The following GMDS variants were observed in gnomAD, a reference collection of about 807,000 sequenced individuals.
GMDS encodes the protein GDP-mannose 4,6 dehydratase.
In GMDS, 20 loss-of-function variants were observed where a neutral mutation model predicts 49.9. The observed-to-expected ratio is 0.40, with a 90% CI of 0.28 to 0.58. The LOEUF (loss-of-function observed/expected upper bound fraction) is 0.58, where lower values mean the gene tolerates loss of function less well. Ranked by LOEUF, GMDS falls within the 20% of genes least tolerant of loss-of-function variation. The pLI is 0.42. For synonymous variants in GMDS, 177 were observed against 178.6 expected, an observed-to-expected ratio of 0.99 and a Z score of 0.07; for missense variants, 362 against 481.4, an observed-to-expected ratio of 0.75 and a Z score of 2.32.
At chr6:2,243,042 C>T (rs1381992264) in intron 1 of GMDS, among the ~76,000 whole-genome samples, 1 of 152,162 alleles carries the variant, frequency 6.6e-6, no homozygotes, top group Non-Finnish European at 1.5e-5. Flanking sequence ...GAATTCAGCA[C>T]TATGCTAGGG....
rs140804661 is a variant in GMDS, at chr6:1,767,222, C to T, written c.772-24636G>A. ...CACCACCCCCCCAAATTTCATTAAA[C>T]GCATAAAAGAAAATATCCTTTGTAA... On this transcript the variant is annotated intron_variant, in intron 7 of 10. Coordinates refer to ENST00000380815, the MANE Select transcript of GMDS (RefSeq NM_001500.4). Among the ~76,000 whole-genome samples, 81 of 151,576 alleles carry T rather than the reference C, an allele frequency of 5.3e-4. No individual in the cohort carries two copies. The East Asian group carries it at 0.013, about 24-fold the overall frequency.
intron 4 of GMDS, among the ~76,000 whole-genome samples, chr6:2,115,542 C>T (rs903057720): frequency 7.2e-5 from 11 of 152,134 alleles, no homozygotes; most frequent in Non-Finnish European, 1.5e-5. Context: ...ACAAATACTG[C>T]TATTCCAATA....
At chr6:2,035,489 T>C (rs1769247842) in intron 4 of GMDS, among the ~76,000 whole-genome samples, 1 of 152,090 alleles carries the variant, frequency 6.6e-6, no homozygotes, top group Non-Finnish European at 1.5e-5. Flanking sequence ...TTACTTTCTA[T>C]TTGGCATTTG....
rs116067788 is a variant in GMDS at position 2,145,162 on chromosome 6, C to T, written c.103-20431G>A. On this transcript the variant is annotated intron_variant, in intron 1 of 10. Coordinates refer to ENST00000380815, the MANE Select transcript of GMDS (RefSeq NM_001500.4). ...GAATAGATTTCAAGGGTTTATTAAG[C>T]ACTAAGTATAGTGTAAGCTCACATA... is the stretch of plus-strand genomic sequence containing the variant. 5.7e-3 allele frequency among the ~76,000 whole-genome samples: 865 copies of T among 152,268 alleles called. 2 individuals carry two copies. Among genetic ancestry groups the T allele is most frequent in the Middle Eastern group, 0.017 (5 of 294 alleles).
chr6:1,733,757 TG>T (rs576381969), intron 8 of GMDS, among the ~76,000 whole-genome samples: 163 of 150,178 alleles, frequency 1.1e-3, no homozygotes, highest in African/African-American at 3.8e-3. Context: ...GAGGCAGAGG[TG>T]GGAGGATTGC....
chr6:1,681,078 C>T (rs1187176464), intron 9 of GMDS, among the ~76,000 whole-genome samples: 1 of 152,120 alleles, frequency 6.6e-6, no homozygotes, highest in East Asian at 1.9e-4. Flanking sequence ...CATACACACA[C>T]AAGTGCACAA....
At chr6:1,829,781 G>A (rs570053058) in intron 7 of GMDS, among the ~76,000 whole-genome samples, 27 of 152,272 alleles carry the variant, frequency 1.8e-4, no homozygotes, top group African/African-American at 6.3e-4. Context: ...TTAGGTGGAC[G>A]GGGGGAATCA....
intron 1 of GMDS, among the ~76,000 whole-genome samples, chr6:2,171,066 G>C (rs1777982832): frequency 6.6e-6 from 1 of 152,092 alleles, no homozygotes; most frequent in African/African-American, 2.4e-5. Context: ...TTAAATATCT[G>C]TCAATCCAAA....
chr6:1,998,015 G>A lies in GMDS; in HGVS notation c.346-37049C>T, dbSNP rs558303889. 2.6e-5 allele frequency among the ~76,000 whole-genome samples: 4 copies of A among 152,212 alleles called. No individual in the cohort carries two copies. The East Asian group carries it at 7.7e-4, about 29-fold the overall frequency. Reference sequence around the variant, plus strand: ...AAGAGCAAATGAGTACCAAGAAAGAGCTCCAGGAAATGAAAAACCAGTTAC... The same window carrying A: ...AAGAGCAAATGAGTACCAAGAAAGAACTCCAGGAAATGAAAAACCAGTTAC... On this transcript the variant is annotated intron_variant, in intron 4 of 10. Transcript: ENST00000380815.
chr6:2,019,696 T>G lies in GMDS; in HGVS notation c.346-58730A>C, dbSNP rs565744919. Among the ~76,000 whole-genome samples the G allele has an allele frequency of 3.3e-5, 5 of 152,280 alleles. No homozygotes were observed. The East Asian group carries it at 9.7e-4, about 29-fold the overall frequency. On this transcript the variant is annotated intron_variant, in intron 4 of 10. Transcript: ENST00000380815. The stretch of plus-strand genomic sequence containing the variant: ...AACCCTTGACCTCAGGTGATCCACC[T>G]GCCTCGGCCTCCCAAAGTCCTGAGA...
In GMDS at chr6:1,930,110, T is replaced by C; in HGVS notation, c.764A>G (p.Tyr255Cys). Residue 255 changes from tyrosine to cysteine, a missense_variant, in exon 7 of 11, where the codon TAT becomes TGT. By Grantham distance (194) the Tyr-to-Cys change is radical. Coordinates refer to ENST00000380815, the MANE Select transcript of GMDS (RefSeq NM_001500.4). Reference protein sequence around the residue: ...AKRDWGHAKDYVEAMWLMLQN... With the variant: ...AKRDWGHAKDCVEAMWLMLQN... ...TAATGTGTCAGTTCCTACCTCCACATAGTCCTTGGCATGGCCCCAATCTCG... is the reference window on the plus strand; with the variant it reads ...TAATGTGTCAGTTCCTACCTCCACACAGTCCTTGGCATGGCCCCAATCTCG... 6.2e-7 allele frequency: 1 copy of C among 1,611,494 alleles called. No homozygotes were observed. The highest frequency in any genetic ancestry group is 8.5e-7 in the Non-Finnish European group (1 of 1,178,470).
intron 7 of GMDS, among the ~76,000 whole-genome samples, chr6:1,864,069 A>G (rs1053145900): frequency 6.6e-6 from 1 of 152,144 alleles, no homozygotes; most frequent in Non-Finnish European, 1.5e-5. Flanking sequence ...TTTTGCAAAA[A>G]TAAATTAACT....
chr6:2,245,364 C>A lies in GMDS; in HGVS notation c.59G>T (p.Gly20Val), dbSNP rs1430008858. Residue 20 changes from glycine (G) to valine (V), a missense_variant, in exon 1 of 11, where the codon GGC becomes GTC. Gly to Val is a moderately radical substitution (Grantham distance 109). Transcript: ENST00000380815. Reference protein sequence around the residue: ...SARGSGDGEMGKPRNVALITG... With the variant: ...SARGSGDGEMVKPRNVALITG... ...GATGAGCGCCACGTTCCTGGGCTTG[C>A]CCATCTCGCCGTCCCCGGAGCCCCG... 1.3e-6 allele frequency: 2 copies of A among 1,551,948 alleles called. No homozygotes were observed. The highest frequency in any genetic ancestry group is 1.4e-5 in the African/African-American group (1 of 72,828).
rs572663745 is a variant in GMDS at position 1,909,153 on chromosome 6, TCAAA to T, written c.771+20946_771+20949del. ...ATCATACATCTTGATGAAATGCCTTTCAAACAAAGACTTTACGGTTTTTGGAACA... is the reference window on the plus strand; with the variant it reads ...ATCATACATCTTGATGAAATGCCTTTCAAAGACTTTACGGTTTTTGGAACA... On this transcript the variant is annotated intron_variant, in intron 7 of 10. Transcript: ENST00000380815. Among the ~76,000 whole-genome samples, 428 of 152,342 alleles carry T rather than the reference TCAAA, an allele frequency of 2.8e-3. 4 individuals are homozygous for T. Among genetic ancestry groups the T allele is most frequent in the African/African-American group, 9.8e-3 (409 of 41,590 alleles).
At chr6:1,753,980 AAGCAAG>A (rs1198371498) in intron 7 of GMDS, among the ~76,000 whole-genome samples, 5 of 152,188 alleles carry the variant, frequency 3.3e-5, no homozygotes, top group Non-Finnish European at 7.3e-5. Flanking sequence ...AGGACTAGAG[AAGCAAG>A]AGCAAATAAA....
intron 7 of GMDS, among the ~76,000 whole-genome samples, chr6:1,768,072 G>A (rs1280316467): frequency 1.3e-5 from 2 of 152,122 alleles, no homozygotes; most frequent in African/African-American, 4.8e-5. Context: ...GCCTGTATAT[G>A]TTACTATATG....
intron 7 of GMDS, among the ~76,000 whole-genome samples, chr6:1,804,935 C>T (rs1197016238): frequency 1.3e-5 from 2 of 152,090 alleles, no homozygotes; most frequent in East Asian, 1.9e-4. Flanking sequence ...TGCCTTCGTT[C>T]GAGGAAAAAC....
intron 9 of GMDS, among the ~76,000 whole-genome samples, chr6:1,657,030 C>T (rs911849311): frequency 2.0e-5 from 3 of 152,178 alleles, no homozygotes; most frequent in Non-Finnish European, 4.4e-5. Flanking sequence ...GCCCTGTCCA[C>T]TTGCAGAGGG....
chr6:1,748,148 G>A (rs1767587601), intron 7 of GMDS, among the ~76,000 whole-genome samples: 1 of 152,114 alleles, frequency 6.6e-6, no homozygotes, highest in Non-Finnish European at 1.5e-5. Context: ...CTCCAGGTTG[G>A]GGTTAATGTT....
Sources: allele counts gnomAD v4.1 joint callset (sites outside exome capture counted in the v4.1 genomes callset), GRCh38; gene constraint gnomAD v4.1.1; transcripts MANE v1.5; gene names NCBI Gene and HGNC (gene_info 2026-07-23, HGNC 2026-07-21).